PCDHGA12: variants seen among roughly 807,000 people sequenced by gnomAD.
PCDHGA12 encodes protocadherin gamma-A12.
A neutral mutation model predicts 61.1 loss-of-function variants in PCDHGA12; 43 were observed. The observed-to-expected ratio is 0.70, with a 90% CI of 0.55 to 0.91. The LOEUF is 0.91. Among genes scored for constraint, PCDHGA12 ranks in the 40% least tolerant of loss-of-function variants. The pLI, the probability that PCDHGA12 is intolerant of heterozygous loss-of-function variation, is 0.00. For missense variants in PCDHGA12, 1,236 were observed against 1,227.7 expected, an observed-to-expected ratio of 1.01 and a Z score of -0.10; for synonymous variants, 520 against 542.9, an observed-to-expected ratio of 0.96 and a Z score of 0.59.
intron 2 of PCDHGA12, among the ~76,000 whole-genome samples, chr5:141,499,780 G>A (rs776654854): frequency 1.4e-5 from 2 of 145,766 alleles, no homozygotes; most frequent in Non-Finnish European, 3.0e-5. Flanking sequence ...TTCGCCTCCC[G>A]GGTTCAAGCA....
chr5:141,480,112 C>T (rs531082602), intron 1 of PCDHGA12, among the ~76,000 whole-genome samples: 2 of 152,190 alleles, frequency 1.3e-5, no homozygotes, highest in Admixed American at 1.3e-4. Flanking sequence ...TAGCATGGTG[C>T]CTGGCATATC....
chr5:141,460,921 T>C (rs984603258), intron 1 of PCDHGA12, among the ~76,000 whole-genome samples: 4 of 151,276 alleles, frequency 2.6e-5, no homozygotes, highest in African/African-American at 9.7e-5. Flanking sequence ...TGTATATATA[T>C]ATATGTGTGT....
Position 141,432,059 on chromosome 5 carries a change from A to T in PCDHGA12, c.1300A>T (p.Thr434Ser). The change falls in exon 1 of 4, where the codon ACG (threonine) becomes TCG (serine). Residue 434 changes from threonine to serine, a missense_variant. Physicochemically the swap from Thr to Ser is moderately conservative, Grantham distance 58. Transcript: ENST00000252085. This position sits in a 1 kb window ranked among gnomAD's most constrained non-coding sequence, Gnocchi z 6.0. ...ATDRGTPPLS[T>S]ETHISLNVAD... ...TGACCGGGGAACCCCGCCCCTATCC[A>T]CGGAAACTCATATCTCGCTGAACGT... The T allele has an allele frequency of 6.2e-7, 1 of 1,614,170 alleles. No homozygotes were observed. Among genetic ancestry groups the T allele is most frequent in the Non-Finnish European group, 8.5e-7 (1 of 1,180,030 alleles).
intron 3 of PCDHGA12, among the ~76,000 whole-genome samples, chr5:141,510,214 A>G (rs1047332886): frequency 6.6e-6 from 1 of 151,406 alleles, no homozygotes; most frequent in Non-Finnish European, 1.5e-5. Context: ...CAGAGGTTGC[A>G]GTGAGCCGGG....
intron 1 of PCDHGA12, chr5:141,478,531 C>G (rs771145308): frequency 1.2e-6 from 2 of 1,608,190 alleles, no homozygotes; most frequent in East Asian, 2.2e-5. Context: ...GTGCAGAGAG[C>G]GCCCCTCCCG....
rs2097536640 is a variant in PCDHGA12 at position 141,432,779 on chromosome 5, G to C, written c.2020G>C (p.Asp674His). 3 of 1,614,170 alleles carry C rather than the reference G, an allele frequency of 1.9e-6. No individual in the cohort carries two copies. The highest frequency in any genetic ancestry group is 2.5e-6 in the Non-Finnish European group (3 of 1,180,002). Residue 674 changes from aspartate (D) to histidine (H), a missense_variant, in exon 1 of 4, where the codon GAC (aspartate) becomes CAC (histidine). Coordinates refer to ENST00000252085, the MANE Select transcript of PCDHGA12 (RefSeq NM_003735.3). The surrounding 1 kb of genome is among the most constrained non-coding windows in gnomAD (Gnocchi z 6.0). Reference protein sequence around the residue: ...VADSIPQVLADLGSLESPANS... With the variant: ...VADSIPQVLAHLGSLESPANS... Reference sequence around the variant, plus strand: ...CGACAGCATCCCCCAAGTCCTGGCGGACCTCGGCAGCCTCGAGTCTCCAGC... The same window carrying C: ...CGACAGCATCCCCCAAGTCCTGGCGCACCTCGGCAGCCTCGAGTCTCCAGC...
Position 141,487,297 on chromosome 5 carries a change from C to T in PCDHGA12, c.2425-7510C>T, listed in dbSNP as rs770262058. ...TTTGCTTTGTCTCCTTTGGCTCATT[C>T]GTGGCACTACTCTCTAAGTGTCTTC... On this transcript the variant is annotated intron_variant, in intron 1 of 3. Coordinates refer to ENST00000252085, the MANE Select transcript of PCDHGA12 (RefSeq NM_003735.3). This position sits in a 1 kb window ranked among gnomAD's most constrained non-coding sequence, Gnocchi z 5.0. The T allele has an allele frequency of 3.2e-5, 52 of 1,613,984 alleles. No homozygotes were observed. The highest frequency in any genetic ancestry group is 4.0e-5 in the African/African-American group (3 of 74,912).
At chr5:141,460,926 G>A (rs1180507724) in intron 1 of PCDHGA12, among the ~76,000 whole-genome samples, 4 of 145,540 alleles carry the variant, frequency 2.7e-5, no homozygotes, top group African/African-American at 2.6e-5. Flanking sequence ...ATATATATAT[G>A]TGTGTGTGTA....
At position 141,487,763 on chromosome 5, in the gene PCDHGA12, G is replaced by A; in HGVS notation, c.2425-7044G>A. ...AAGAGGTAACTATGTGGTAGACGCT[G>A]TGCTTTGTAACTGTTTCGTGAATTA... On this transcript the variant is annotated intron_variant, in intron 1 of 3. Coordinates refer to ENST00000252085, the MANE Select transcript of PCDHGA12 (RefSeq NM_003735.3). This position sits in a 1 kb window ranked among gnomAD's most constrained non-coding sequence, Gnocchi z 5.0. 6.5e-7 allele frequency: 1 copy of A among 1,544,968 alleles called. No homozygotes were observed. The highest frequency in any genetic ancestry group is 1.2e-5 in the South Asian group (1 of 83,382).
chr5:141,495,323 G>C (rs1029646773), intron 2 of PCDHGA12, among the ~76,000 whole-genome samples: 2 of 152,214 alleles, frequency 1.3e-5, no homozygotes, highest in African/African-American at 4.8e-5. Context: ...AGCCGAGGCT[G>C]ACTGCAGCCT....
chr5:141,458,823 C>T (rs1185812086), intron 1 of PCDHGA12, among the ~76,000 whole-genome samples: 1 of 152,126 alleles, frequency 6.6e-6, no homozygotes, highest in African/African-American at 2.4e-5. Flanking sequence ...ACCTCTGCCT[C>T]CCAGGCTCAA....
At chr5:141,466,716 T>A (rs2099127818) in intron 1 of PCDHGA12, among the ~76,000 whole-genome samples, 1 of 152,210 alleles carries the variant, frequency 6.6e-6, no homozygotes, top group South Asian at 2.1e-4. Flanking sequence ...TGTTCTTGTT[T>A]CCATTTTAGC....
At chr5:141,433,332 T>C (rs1344429296) in intron 1 of PCDHGA12, 149 bp downstream of exon 1, 7 of 694,580 alleles carry the variant, frequency 1.0e-5, no homozygotes, top group Non-Finnish European at 1.7e-5. Context: ...TAACAGGGAC[T>C]ACAGGTGCAA....
In PCDHGA12 at chr5:141,433,001, G is replaced by A. The variant is rs1361701281; in HGVS notation, c.2242G>A (p.Ala748Thr). The A allele has an allele frequency of 2.4e-5, 39 of 1,614,156 alleles. No individual in the cohort carries two copies. The highest frequency in any genetic ancestry group is 3.1e-5 in the Non-Finnish European group (37 of 1,180,030). The change falls in exon 1 of 4, where the codon GCT becomes ACT. Residue 748 changes from alanine to threonine, a missense_variant. Coordinates refer to ENST00000252085, the MANE Select transcript of PCDHGA12 (RefSeq NM_003735.3). The part of the protein sequence containing the change: ...SHFVGVDGVQ[A>T]FLQTYSHEVS... ...CTTTGTGGGCGTGGACGGGGTGCAGGCTTTCCTGCAGACCTATTCCCACGA... is the reference window on the plus strand; with the variant it reads ...CTTTGTGGGCGTGGACGGGGTGCAGACTTTCCTGCAGACCTATTCCCACGA...
chr5:141,445,272 T>C (rs1057201147), intron 1 of PCDHGA12, among the ~76,000 whole-genome samples: 1 of 152,236 alleles, frequency 6.6e-6, no homozygotes, highest in Non-Finnish European at 1.5e-5. Flanking sequence ...TCGAAACCAC[T>C]CTGCATAAGT....
Position 141,490,330 on chromosome 5 carries a change from C to G in PCDHGA12, c.2425-4477C>G. 4 of 1,614,198 alleles carry G rather than the reference C, an allele frequency of 2.5e-6. No homozygotes were observed. Among genetic ancestry groups the G allele is most frequent in the South Asian group, 1.1e-5 (1 of 91,082 alleles). On this transcript the variant is annotated intron_variant, in intron 1 of 3. Coordinates refer to ENST00000252085, the MANE Select transcript of PCDHGA12 (RefSeq NM_003735.3). This position sits in a 1 kb window ranked among gnomAD's most constrained non-coding sequence, Gnocchi z 5.4. ...GGCCAACCCTGTCCTAGAGAGCACACCAGTGGGCACAGTAGTGGGGTTGTT... is the reference window on the plus strand; with the variant it reads ...GGCCAACCCTGTCCTAGAGAGCACAGCAGTGGGCACAGTAGTGGGGTTGTT...
At chr5:141,478,670 C>T (rs1413742587) in intron 1 of PCDHGA12, 28 of 1,551,664 alleles carry the variant, frequency 1.8e-5, no homozygotes, top group Non-Finnish European at 2.4e-5. Flanking sequence ...TTCACACTTT[C>T]AACTGGCCCT....
At chr5:141,433,349 T>C in intron 1 of PCDHGA12, 166 bp downstream of exon 1, 1 of 616,610 alleles carries the variant, frequency 1.6e-6, no homozygotes, top group East Asian at 2.8e-5. Flanking sequence ...GCAAGCCACC[T>C]ACTGTCTGCC....
intron 1 of PCDHGA12, among the ~76,000 whole-genome samples, chr5:141,447,047 T>C (rs529082157): frequency 1.3e-5 from 2 of 152,342 alleles, no homozygotes; most frequent in African/African-American, 4.8e-5. Flanking sequence ...TCTGGAATTC[T>C]ATTAAAATGT....
Sources: gnomAD v4.1 joint callset for allele counts (sites outside exome capture counted in the v4.1 genomes callset) on GRCh38, gnomAD v4.1.1 for gene constraint, Gnocchi (gnomAD v3.1) non-coding constraint, MANE v1.5 for transcripts, NCBI Gene and HGNC (gene_info 2026-07-23, HGNC 2026-07-21) for gene names.